DGKH: variants seen among roughly 807,000 people sequenced by gnomAD.
DGKH encodes the protein diacylglycerol kinase eta, also known as DAG kinase eta.
Under a neutral mutation model 159.3 loss-of-function variants are expected in DGKH, and 90 were observed. That is an observed-to-expected ratio of 0.57 (90% confidence interval 0.48 to 0.67). The LOEUF is 0.67. Among genes scored for constraint, DGKH ranks in the 30% least tolerant of loss-of-function variants. The pLI is 0.00. For synonymous variants in DGKH, 536 were observed against 553.8 expected (o/e 0.97, Z 0.45); for missense variants, 1,181 against 1,506.1 (o/e 0.78, Z 3.57).
At position 42,219,690 on chromosome 13, in the gene DGKH, C is replaced by G; in HGVS notation, c.3338C>G (p.Pro1113Arg). ...TTTCTTGCTCGATTTGAACAGGAAC[C>G]TCCTATGGATTGCACCAAAAGGAAC... Reference protein sequence around the residue: ...YILHPNEDEEPPMDCTKRNNR... With the variant: ...YILHPNEDEERPMDCTKRNNR... The change falls in exon 28 of 30, where the codon CCT (proline) becomes CGT (arginine). Residue 1113 changes from proline to arginine, a missense_variant. Pro to Arg is a moderately radical substitution (Grantham distance 103). Transcript: ENST00000337343. 3 of 1,612,564 alleles carry G rather than the reference C, an allele frequency of 1.9e-6. No homozygotes were observed. Among genetic ancestry groups the G allele is most frequent in the Non-Finnish European group, 2.5e-6 (3 of 1,179,396 alleles).
chr13:42,125,041 G>A (rs1439420146), intron 1 of DGKH, among the ~76,000 whole-genome samples: 3 of 152,154 alleles, frequency 2.0e-5, no homozygotes, highest in Non-Finnish European at 4.4e-5. Flanking sequence ...TTTCCACCGT[G>A]GCTGCCATTT....
intron 3 of DGKH, among the ~76,000 whole-genome samples, chr13:42,144,443 T>C (rs1227262002): frequency 2.6e-5 from 4 of 152,038 alleles, no homozygotes; most frequent in East Asian, 3.9e-4. Flanking sequence ...TCCTAGCATG[T>C]TGGGAGGCCG....
intron 1 of DGKH, among the ~76,000 whole-genome samples, chr13:42,087,107 AATCCTT>A (rs1566093867): frequency 0.013 from 1,899 of 141,618 alleles, 40 homozygotes; most frequent in African/African-American, 0.045. Context: ...TAGGCACAAC[AATCCTT>A]GAAGCTCATA....
At chr13:42,148,411 C>T (rs1955791503) in intron 3 of DGKH, among the ~76,000 whole-genome samples, 1 of 152,136 alleles carries the variant, frequency 6.6e-6, no homozygotes, top group Non-Finnish European at 1.5e-5. Flanking sequence ...TGAATTCTAC[C>T]TCCTAAAAAT....
chr13:42,228,986 A>T lies in DGKH; in HGVS notation c.3574-113A>T, dbSNP rs181621224. The T allele has an allele frequency of 1.2e-3, 961 of 834,780 alleles. 3 individuals are homozygous for T. The highest frequency in any genetic ancestry group is 1.5e-3 in the Non-Finnish European group (828 of 540,866). The allele number at this position is 834,780 out of a possible 1,614,324, so 51.7% of individuals were successfully genotyped here. ...CTTGCTGGTTAAATATTTAATCCCCAATTTTCTATTTTCAATAAACTTTTT... is the reference window on the plus strand; with the variant it reads ...CTTGCTGGTTAAATATTTAATCCCCTATTTTCTATTTTCAATAAACTTTTT... On this transcript the variant is annotated intron_variant, in intron 29 of 29. Coordinates refer to ENST00000337343, the MANE Select transcript of DGKH (RefSeq NM_178009.5).
intron 5 of DGKH, among the ~76,000 whole-genome samples, chr13:42,157,072 T>A (rs550471296): frequency 6.6e-6 from 1 of 152,232 alleles, no homozygotes; most frequent in Admixed American, 6.5e-5. Context: ...TGTAAGAAAC[T>A]TATTCCAAAT....
At chr13:42,072,850 T>C (rs1883059856) in intron 1 of DGKH, among the ~76,000 whole-genome samples, 1 of 152,166 alleles carries the variant, frequency 6.6e-6, no homozygotes, top group South Asian at 2.1e-4. Flanking sequence ...AGCATTGCAG[T>C]CCCCACCCCC....
intron 1 of DGKH, among the ~76,000 whole-genome samples, chr13:42,049,618 C>T (rs1303833464): frequency 6.6e-6 from 1 of 152,208 alleles, no homozygotes; most frequent in Non-Finnish European, 1.5e-5. Flanking sequence ...CCCTGCATGG[C>T]TCCAAGGGCT....
intron 1 of DGKH, among the ~76,000 whole-genome samples, chr13:42,085,319 A>G (rs1414138386): frequency 2.6e-5 from 4 of 152,154 alleles, no homozygotes; most frequent in African/African-American, 7.2e-5. Context: ...CCTTCCCCCT[A>G]TGCTTCTCTC....
intron 29 of DGKH, among the ~76,000 whole-genome samples, chr13:42,222,318 A>G (rs1378867942): frequency 1.3e-5 from 2 of 152,202 alleles, no homozygotes; most frequent in African/African-American, 4.8e-5. Flanking sequence ...TAACAAATTA[A>G]TGAACTGTTG....
At chr13:42,190,340 A>G in intron 15 of DGKH, 63 bp from the exon 16 acceptor site, 11 of 1,556,420 alleles carry the variant, frequency 7.1e-6, no homozygotes, top group Non-Finnish European at 9.5e-6. Context: ...TCCTGAGCAT[A>G]TCTTAATATT....
chr13:42,058,463 G>A (rs1361935543), intron 1 of DGKH, among the ~76,000 whole-genome samples: 1 of 150,414 alleles, frequency 6.6e-6, no homozygotes, highest in Non-Finnish European at 1.5e-5. Flanking sequence ...TTTTCATTTG[G>A]AGAAATGTTA....
At position 42,209,485 on chromosome 13, in the gene DGKH, T is replaced by C; in HGVS notation, c.2850+20T>C. ...GACAGAGTATGTAACAAAAACATTC[T>C]TCTAGAATATTGTCAGGTTTTTAAA... is the stretch of plus-strand genomic sequence containing the variant. On this transcript the variant is annotated intron_variant, in intron 23 of 29. Coordinates refer to ENST00000337343, the MANE Select transcript of DGKH (RefSeq NM_178009.5). The C allele has an allele frequency of 1.3e-6, 2 of 1,551,704 alleles. No individual in the cohort carries two copies. The highest frequency in any genetic ancestry group is 1.7e-6 in the Non-Finnish European group (2 of 1,152,492).
chr13:42,135,286 C>A (rs1488040695), intron 3 of DGKH, among the ~76,000 whole-genome samples: 1 of 151,388 alleles, frequency 6.6e-6, no homozygotes, highest in African/African-American at 2.4e-5. Context: ...ATCACTTGAG[C>A]CCAAGAGTTT....
chr13:42,131,502 T>G (rs1409585968), intron 3 of DGKH, among the ~76,000 whole-genome samples: 1 of 152,164 alleles, frequency 6.6e-6, no homozygotes, highest in Non-Finnish European at 1.5e-5. Flanking sequence ...AACCAAATAC[T>G]GTTTTCTCAT....
chr13:42,046,948 T>C (rs1880826978), upstream of DGKH, among the ~76,000 whole-genome samples: 2 of 152,264 alleles, frequency 1.3e-5, no homozygotes, highest in Non-Finnish European at 2.9e-5. Context: ...TTCCAAAATA[T>C]TGGACTTGTC....
intron 3 of DGKH, among the ~76,000 whole-genome samples, chr13:42,144,313 G>A (rs1408956825): frequency 6.6e-6 from 1 of 152,142 alleles, no homozygotes; most frequent in African/African-American, 2.4e-5. Context: ...TATGCCTCGT[G>A]AACAACCCAA....
In DGKH at chr13:42,168,334, A is replaced by C. The variant is rs950813390; in HGVS notation, c.1119-106A>C. 28 of 886,278 alleles carry C rather than the reference A, an allele frequency of 3.2e-5. No homozygotes were observed. In the African/African-American group the frequency reaches 4.2e-4, roughly 13 times the overall value. The allele number at this position is 886,278 out of a possible 1,614,324, so 54.9% of individuals were successfully genotyped here. A position where few individuals can be genotyped will look rare whatever the true frequency, so the allele number is the denominator to read the frequency against. On this transcript the variant is annotated intron_variant, in intron 9 of 29. Transcript: ENST00000337343. ...ATGGTATAATTAACATGTAAGTAGG[A>C]GTTCTTATATTTAATCTGAATATGA...
In DGKH at chr13:42,085,207, G is replaced by A. The variant is rs1479180311; in HGVS notation, c.192+36242G>A. On this transcript the variant is annotated intron_variant, in intron 1 of 29. Transcript: ENST00000337343. Reference sequence around the variant, plus strand: ...CCAATGCAGTCTTTATAGGGCATGCGAAACCTCTTAGAATATAACTGAATA... The same window carrying A: ...CCAATGCAGTCTTTATAGGGCATGCAAAACCTCTTAGAATATAACTGAATA... 2.0e-5 allele frequency among the ~76,000 whole-genome samples: 3 copies of A among 152,050 alleles called. No homozygotes were observed. In the South Asian group the frequency reaches 6.2e-4, roughly 32 times the overall value.
Sources: gnomAD v4.1 joint callset for allele counts (sites outside exome capture counted in the v4.1 genomes callset) on GRCh38, gnomAD v4.1.1 for gene constraint, MANE v1.5 for transcripts, NCBI Gene and HGNC (gene_info 2026-07-23, HGNC 2026-07-21) for gene names.